Variants in DIAPH3 observed in about 807,000 individuals in gnomAD.
DIAPH3 encodes the protein diaphanous related formin 3, also known as protein diaphanous homolog 3.
A neutral mutation model predicts 144.3 loss-of-function variants in DIAPH3; 117 were observed. The observed-to-expected ratio is 0.81, with a 90% CI of 0.70 to 0.95. The LOEUF (loss-of-function observed/expected upper bound fraction) is 0.95, where lower values mean the gene tolerates loss of function less well. DIAPH3 is among the 40% of genes least tolerant of loss of function. The pLI, the probability that DIAPH3 is intolerant of heterozygous loss-of-function variation, is 0.00. For synonymous variants in DIAPH3, 519 were observed against 488.9 expected, an observed-to-expected ratio of 1.06 and a Z score of -0.81; for missense variants, 1,421 against 1,412.7, an observed-to-expected ratio of 1.01 and a Z score of -0.09.
chr13:59,775,198 C>T (rs2038339412), intron 25 of DIAPH3, among the ~76,000 whole-genome samples: 1 of 152,118 alleles, frequency 6.6e-6, no homozygotes, highest in Non-Finnish European at 1.5e-5. Context: ...GCATCATCTT[C>T]TATTCTAAAG....
chr13:59,716,324 C>T (rs951354006), intron 27 of DIAPH3, among the ~76,000 whole-genome samples: 3 of 152,028 alleles, frequency 2.0e-5, no homozygotes, highest in Admixed American at 6.5e-5. Context: ...TACAGGCGCC[C>T]GCCACCACGC....
chr13:59,921,736 G>A (rs936519781), intron 18 of DIAPH3, among the ~76,000 whole-genome samples: 1 of 151,904 alleles, frequency 6.6e-6, no homozygotes, highest in African/African-American at 2.4e-5. Context: ...CACTCCACAA[G>A]GCTGGCATTC....
intron 13 of DIAPH3, among the ~76,000 whole-genome samples, chr13:59,981,532 ATAACT>A (rs1316826266): frequency 6.6e-6 from 1 of 151,226 alleles, no homozygotes; most frequent in African/African-American, 2.4e-5. Context: ...AAAACTGAAA[ATAACT>A]TAAATGCCCA....
chr13:59,688,921 C>T (rs2033359722), intron 27 of DIAPH3, among the ~76,000 whole-genome samples: 1 of 152,000 alleles, frequency 6.6e-6, no homozygotes, highest in Non-Finnish European at 1.5e-5. Flanking sequence ...CTAATACTAA[C>T]ATTTTAGTAT....
chr13:59,803,549 G>A (rs183647350), intron 25 of DIAPH3, among the ~76,000 whole-genome samples: 41 of 152,044 alleles, frequency 2.7e-4, no homozygotes, highest in African/African-American at 8.9e-4. Context: ...GAGTGGCACT[G>A]ATAACCCTCA....
At chr13:59,987,130 G>A (rs2051444838) in intron 12 of DIAPH3, among the ~76,000 whole-genome samples, 1 of 151,788 alleles carries the variant, frequency 6.6e-6, no homozygotes, top group Admixed American at 6.6e-5. Flanking sequence ...ATACACCATG[G>A]AATACTATGC....
chr13:60,092,557 AG>A (rs1172043752), intron 4 of DIAPH3, among the ~76,000 whole-genome samples: 1 of 152,162 alleles, frequency 6.6e-6, no homozygotes, highest in African/African-American at 2.4e-5. Context: ...AGGCTGAGAC[AG>A]GAGAATGGCG....
chr13:60,078,366 G>A (rs1416243392), intron 4 of DIAPH3, among the ~76,000 whole-genome samples: 4 of 151,952 alleles, frequency 2.6e-5, no homozygotes, highest in African/African-American at 4.8e-5. Context: ...TAAGAAGGGC[G>A]GAACTAGTAC....
Position 60,163,908 on chromosome 13 carries a change from G to C in DIAPH3, c.-142C>G, listed in dbSNP as rs1362968390. ...ACAGCCTAGCCCAACCGCTGAAGTC[G>C]GGGCCGCAGCCAACACATCTGAAAA... On this transcript the variant is annotated 5_prime_UTR_variant, in exon 1 of 28. Transcript: ENST00000400324. 7 of 1,104,534 alleles carry C rather than the reference G, an allele frequency of 6.3e-6. No homozygotes were observed. The highest frequency in any genetic ancestry group is 5.5e-5 in the East Asian group (2 of 36,154). The allele number at this position is 1,104,534 out of a possible 1,614,324, so 68.4% of individuals were successfully genotyped here.
At chr13:60,041,533 G>T (rs1340760217) in intron 5 of DIAPH3, among the ~76,000 whole-genome samples, 1 of 152,066 alleles carries the variant, frequency 6.6e-6, no homozygotes, top group East Asian at 1.9e-4. Context: ...AGGTAAGGTT[G>T]TTTTCTTTTA....
Position 59,784,075 on chromosome 13 carries a change from A to G in DIAPH3, c.3164-9252T>C, listed in dbSNP as rs140764108. 5.1e-3 allele frequency among the ~76,000 whole-genome samples: 775 copies of G among 152,136 alleles called. 3 individuals carry two copies. Among genetic ancestry groups the G allele is most frequent in the South Asian group, 0.031 (151 of 4,802 alleles). On this transcript the variant is annotated intron_variant, in intron 25 of 27. Coordinates refer to ENST00000400324, the MANE Select transcript of DIAPH3 (RefSeq NM_001042517.2). ...CTTTCCTAAAGTCAAACAACTATATATTACTATTATTTATTTATTTATTTA... is the reference window on the plus strand; with the variant it reads ...CTTTCCTAAAGTCAAACAACTATATGTTACTATTATTTATTTATTTATTTA...
intron 27 of DIAPH3, among the ~76,000 whole-genome samples, chr13:59,676,564 G>T (rs1267848779): frequency 6.6e-6 from 1 of 152,180 alleles, no homozygotes; most frequent in Admixed American, 6.5e-5. Flanking sequence ...AGTTAATTCA[G>T]TGAGGGTTTA....
At chr13:59,920,911 A>G (rs2047476736) in intron 18 of DIAPH3, among the ~76,000 whole-genome samples, 1 of 151,926 alleles carries the variant, frequency 6.6e-6, no homozygotes, top group African/African-American at 2.4e-5. Context: ...CCACAATGGA[A>G]TAAAACTAGA....
chr13:59,775,213 C>G (rs1227889329), intron 25 of DIAPH3, among the ~76,000 whole-genome samples: 2 of 152,058 alleles, frequency 1.3e-5, no homozygotes, highest in African/African-American at 4.8e-5. Flanking sequence ...CTAAAGTCAA[C>G]CAGGTATGGG....
intron 24 of DIAPH3, among the ~76,000 whole-genome samples, chr13:59,811,528 G>C (rs944252665): frequency 3.9e-5 from 6 of 152,048 alleles, no homozygotes; most frequent in Admixed American, 1.3e-4. Flanking sequence ...CATAAGGTCA[G>C]TAGATCGAGA....
chr13:59,819,176 G>C (rs2040934674), intron 24 of DIAPH3, among the ~76,000 whole-genome samples: 1 of 151,818 alleles, frequency 6.6e-6, no homozygotes, highest in Admixed American at 6.6e-5. Context: ...TAAATAGCCA[G>C]GGATCATTTC....
chr13:60,050,371 C>T (rs933248453), intron 4 of DIAPH3, among the ~76,000 whole-genome samples: 8 of 152,144 alleles, frequency 5.3e-5, no homozygotes, highest in Admixed American at 2.0e-4. Flanking sequence ...TCAGTGAACA[C>T]GACAAGAGTT....
chr13:60,085,172 T>C (rs2057705728), intron 4 of DIAPH3, among the ~76,000 whole-genome samples: 1 of 152,122 alleles, frequency 6.6e-6, no homozygotes. Flanking sequence ...TTCTTCTCTG[T>C]TACAATAGTT....
rs140991206 is a variant in DIAPH3 at position 59,899,661 on chromosome 13, T to C, written c.2367+12074A>G. 5.3e-5 allele frequency among the ~76,000 whole-genome samples: 8 copies of C among 152,320 alleles called. No homozygotes were observed. The East Asian group carries it at 9.6e-4, about 18-fold the overall frequency. ...TTTCCTCTGAGGTGGGAAGTCATTGTAGGGTTATAGGTAAAACAGAACATT... is the reference window on the plus strand; with the variant it reads ...TTTCCTCTGAGGTGGGAAGTCATTGCAGGGTTATAGGTAAAACAGAACATT... On this transcript the variant is annotated intron_variant, in intron 20 of 27. Transcript: ENST00000400324.
Sources: allele counts gnomAD v4.1 joint callset (sites outside exome capture counted in the v4.1 genomes callset), GRCh38; gene constraint gnomAD v4.1.1; transcripts MANE v1.5; gene names NCBI Gene and HGNC (gene_info 2026-07-23, HGNC 2026-07-21).